Variants in STX17 observed in about 807,000 individuals in gnomAD.
STX17 encodes the protein syntaxin 17.
Under a neutral mutation model 35.9 loss-of-function variants are expected in STX17, and 29 were observed. That is an observed-to-expected ratio of 0.81 (90% CI 0.60 to 1.10). STX17 has a LOEUF of 1.10. STX17 is among the 50% of genes least tolerant of loss of function. The pLI is 0.00. For synonymous variants in STX17, 92 were observed against 118.3 expected (o/e 0.78, Z 1.44); for missense variants, 312 against 352.3 (o/e 0.89, Z 0.92).
At chr9:99,928,436 G>T (rs1312553084) in intron 2 of STX17, among the ~76,000 whole-genome samples, 1 of 151,700 alleles carries the variant, frequency 6.6e-6, no homozygotes, top group Non-Finnish European at 1.5e-5. Context: ...TATGAACACT[G>T]TTCTTTTCAT....
At chr9:99,928,910 A>T in intron 3 of STX17, 67 bp downstream of exon 3, 1 of 1,423,604 alleles carries the variant, frequency 7.0e-7, no homozygotes, top group Non-Finnish European at 9.8e-7. Flanking sequence ...ATTTTGCTAA[A>T]ATATTACCTT....
At chr9:99,925,851 C>T (rs1054092925) in intron 2 of STX17, among the ~76,000 whole-genome samples, 1 of 151,772 alleles carries the variant, frequency 6.6e-6, no homozygotes, top group African/African-American at 2.4e-5. Context: ...TTTTCTTGTC[C>T]TTTGAGCTTC....
intron 6 of STX17, among the ~76,000 whole-genome samples, chr9:99,960,981 G>T (rs1257415270): frequency 6.6e-6 from 1 of 152,146 alleles, no homozygotes; most frequent in East Asian, 1.9e-4. Context: ...TCCACTGGGG[G>T]AAGTTATGGA....
chr9:99,929,336 A>G (rs1829060733), intron 3 of STX17, among the ~76,000 whole-genome samples: 1 of 151,690 alleles, frequency 6.6e-6, no homozygotes, highest in Admixed American at 6.6e-5. Context: ...TCTTCTGTCT[A>G]CAATTAGTAT....
At chr9:99,933,352 A>G (rs888994095) in intron 3 of STX17, among the ~76,000 whole-genome samples, 8 of 152,130 alleles carry the variant, frequency 5.3e-5, no homozygotes, top group Admixed American at 2.0e-4. Flanking sequence ...TTGATATCTG[A>G]TTGTACAATA....
In STX17 at chr9:99,971,502, C is replaced by A. The variant is rs1587946990; in HGVS notation, c.*2829C>A. Among the ~76,000 whole-genome samples, 3 of 151,532 alleles carry A rather than the reference C, an allele frequency of 2.0e-5. No homozygotes were observed. In the South Asian group the frequency reaches 6.3e-4, roughly 32 times the overall value. On this transcript the variant is annotated 3_prime_UTR_variant, in exon 8 of 8. Coordinates refer to ENST00000259400, the MANE Select transcript of STX17 (RefSeq NM_017919.3). ...ATTGATATCTACCAATGGGTTGCAACCCTTAGCTTGAAAAAAACACCCTCA... is the reference window on the plus strand; with the variant it reads ...ATTGATATCTACCAATGGGTTGCAAACCTTAGCTTGAAAAAAACACCCTCA...
At chr9:99,927,738 A>G (rs985666281) in intron 2 of STX17, among the ~76,000 whole-genome samples, 1 of 152,180 alleles carries the variant, frequency 6.6e-6, no homozygotes, top group African/African-American at 2.4e-5. Context: ...CAGCCTCCCA[A>G]AGTGCTGGGA....
intron 1 of STX17, among the ~76,000 whole-genome samples, chr9:99,912,975 AT>A (rs988694391): frequency 1.1e-4 from 16 of 152,044 alleles, no homozygotes; most frequent in African/African-American, 3.9e-4. Context: ...GAAAATGATT[AT>A]TTTGCTTTCA....
At chr9:99,936,005 C>T (rs1829226143) in intron 3 of STX17, among the ~76,000 whole-genome samples, 1 of 152,174 alleles carries the variant, frequency 6.6e-6, no homozygotes, top group Non-Finnish European at 1.5e-5. Context: ...AGTTAGTAGG[C>T]AGCTTTTGGA....
Position 99,970,711 on chromosome 9 carries a change from A to G in STX17, c.*2038A>G, listed in dbSNP as rs1020911088. On this transcript the variant is annotated 3_prime_UTR_variant, in exon 8 of 8. Transcript: ENST00000259400. ...GTCATTTAATTCTGAAACTCCCAGT[A>G]TTCTACCCTTCTTCATCACTGCATA... Among the ~76,000 whole-genome samples the G allele has an allele frequency of 1.3e-5, 2 of 152,234 alleles. No homozygotes were observed. Among genetic ancestry groups the G allele is most frequent in the East Asian group, 3.8e-4 (2 of 5,204 alleles).
rs1285535255 is a variant in STX17 at position 99,970,310 on chromosome 9, C to G, written c.*1637C>G. 1 of 152,182 alleles carries G rather than the reference C, an allele frequency of 6.6e-6. No homozygotes were observed. Among genetic ancestry groups the G allele is most frequent in the African/African-American group, 2.4e-5 (1 of 41,442 alleles). 9.4% of individuals were successfully genotyped at this position (152,182 alleles called of 1,614,324 possible). A position where few individuals can be genotyped will look rare whatever the true frequency, so the allele number is the denominator to read the frequency against. ...GAAATCCAGTGAAACAGCACCATTT[C>G]TTAGTATCATTAAATAACTAGAAAG... On this transcript the variant is annotated 3_prime_UTR_variant, in exon 8 of 8. Transcript: ENST00000259400.
At chr9:99,925,189 A>G (rs939110054) in intron 2 of STX17, among the ~76,000 whole-genome samples, 1 of 151,874 alleles carries the variant, frequency 6.6e-6, no homozygotes, top group African/African-American at 2.4e-5. Flanking sequence ...CAGAGTATAC[A>G]TCTTTAACAT....
chr9:99,921,534 A>G (rs1213439005), intron 2 of STX17, among the ~76,000 whole-genome samples: 1 of 151,380 alleles, frequency 6.6e-6, no homozygotes, highest in African/African-American at 2.4e-5. Context: ...GAAGTCATTG[A>G]TGAAAATGTT....
chr9:99,918,953 A>C (rs1828838659), intron 2 of STX17, among the ~76,000 whole-genome samples: 1 of 152,120 alleles, frequency 6.6e-6, no homozygotes, highest in Non-Finnish European at 1.5e-5. Context: ...CAGGGGAAGG[A>C]AAGTAGGTGA....
chr9:99,960,754 T>G (rs1384260224), intron 6 of STX17, among the ~76,000 whole-genome samples: 1 of 152,188 alleles, frequency 6.6e-6, no homozygotes, highest in East Asian at 1.9e-4. Flanking sequence ...CTTTGAGCAT[T>G]CTACAGTGAG....
At chr9:99,922,732 G>A (rs1416152880) in intron 2 of STX17, among the ~76,000 whole-genome samples, 1 of 152,152 alleles carries the variant, frequency 6.6e-6, no homozygotes, top group African/African-American at 2.4e-5. Flanking sequence ...CTTAAGGAAG[G>A]TCTTCCCCAT....
At chr9:99,942,103 C>T (rs1466803687) in intron 3 of STX17, among the ~76,000 whole-genome samples, 2 of 152,166 alleles carry the variant, frequency 1.3e-5, no homozygotes, top group Non-Finnish European at 2.9e-5. Context: ...GAGTACAATC[C>T]TGTGGGCACC....
intron 3 of STX17, among the ~76,000 whole-genome samples, chr9:99,944,305 A>T (rs1323560815): frequency 6.6e-6 from 1 of 151,420 alleles, no homozygotes; most frequent in Non-Finnish European, 1.5e-5. Flanking sequence ...CATCAAATTT[A>T]TTTTTACATT....
chr9:99,916,237 A>G, intron 2 of STX17: 1 of 343,956 alleles, frequency 2.9e-6, no homozygotes, highest in South Asian at 2.3e-5. Context: ...TGCTCCGGTG[A>G]AGTGGCTGTG....
Sources: allele counts gnomAD v4.1 joint callset (sites outside exome capture counted in the v4.1 genomes callset), GRCh38; gene constraint gnomAD v4.1.1; transcripts MANE v1.5; gene names NCBI Gene and HGNC (gene_info 2026-07-23, HGNC 2026-07-21).